The following SYT16 variants were observed in gnomAD, a reference collection of about 807,000 sequenced individuals.
The protein encoded by SYT16 is synaptotagmin-16.
Under a neutral mutation model 61.4 loss-of-function variants are expected in SYT16, and 42 were observed. That is an observed-to-expected ratio of 0.68 (90% confidence interval 0.53 to 0.89). The LOEUF is 0.89. Among genes scored for constraint, SYT16 ranks in the 40% least tolerant of loss-of-function variants. The pLI is 0.00. For missense variants in SYT16, 804 were observed against 807.3 expected (o/e 1.00, Z 0.05); for synonymous variants, 314 against 302.3 (o/e 1.04, Z -0.40).
At chr14:61,838,539 CT>C (rs1343381570) in intron 1 of SYT16, among the ~76,000 whole-genome samples, 1 of 152,202 alleles carries the variant, frequency 6.6e-6, no homozygotes, top group Non-Finnish European at 1.5e-5. Context: ...GGAACGAGGT[CT>C]GTGTTTCTGA....
rs2057520350 is a variant in SYT16 at position 62,106,715 on chromosome 14, G to A, written c.*6008G>A. The A allele has an allele frequency of 6.6e-6, 1 of 152,098 alleles. No individual in the cohort carries two copies. Among genetic ancestry groups the A allele is most frequent in the African/African-American group, 2.4e-5 (1 of 41,406 alleles). The allele number at this position is 152,098 out of a possible 1,614,324, so 9.4% of individuals were successfully genotyped here. ...GCTTTGGGGATGCCTGCAGGCTCAG[G>A]GGGAGTTTCCTCTCCTATGGTGCTT... On this transcript the variant is annotated 3_prime_UTR_variant, in exon 8 of 8. Coordinates refer to ENST00000683842, the MANE Select transcript of SYT16 (RefSeq NM_001367656.1).
intron 1 of SYT16, among the ~76,000 whole-genome samples, chr14:61,843,746 C>G (rs1271183672): frequency 6.6e-6 from 1 of 152,130 alleles, no homozygotes; most frequent in African/African-American, 2.4e-5. Flanking sequence ...GTTCTCTATT[C>G]TGTTCCACTG....
At chr14:62,068,883 C>G (rs2056175282) in intron 3 of SYT16, among the ~76,000 whole-genome samples, 1 of 152,178 alleles carries the variant, frequency 6.6e-6, no homozygotes, top group Non-Finnish European at 1.5e-5. Context: ...GCAACCTCCA[C>G]TTCCTGGGTT....
intron 5 of SYT16, among the ~76,000 whole-genome samples, chr14:62,075,604 T>TTA (rs1566824324): frequency 1.6e-5 from 1 of 61,414 alleles, no homozygotes. Flanking sequence ...GGATGAACGG[T>TTA]AAAAAAAAAA....
At chr14:61,844,022 T>A (rs1259673765) in intron 1 of SYT16, among the ~76,000 whole-genome samples, 1 of 152,226 alleles carries the variant, frequency 6.6e-6, no homozygotes, top group Non-Finnish European at 1.5e-5. Context: ...TGTTGATTTT[T>A]CCAATCCACG....
At chr14:62,017,672 C>G (rs940931102) in intron 3 of SYT16, among the ~76,000 whole-genome samples, 2 of 152,068 alleles carry the variant, frequency 1.3e-5, no homozygotes, top group African/African-American at 2.4e-5. Context: ...TGCGTCTTCC[C>G]ACCATCACTG....
At chr14:61,857,707 G>GA (rs1195719126) in intron 1 of SYT16, among the ~76,000 whole-genome samples, 3 of 152,180 alleles carry the variant, frequency 2.0e-5, no homozygotes, top group African/African-American at 7.2e-5. Flanking sequence ...AGTAGAAAGG[G>GA]AAAAATCTCT....
chr14:62,056,770 C>G (rs2055575097), intron 3 of SYT16, among the ~76,000 whole-genome samples: 2 of 152,306 alleles, frequency 1.3e-5, no homozygotes, highest in Admixed American at 6.5e-5. Context: ...CACCTGAACA[C>G]ACTTTTGTTC....
intron 3 of SYT16, among the ~76,000 whole-genome samples, chr14:62,036,627 G>A (rs562802963): frequency 2.6e-5 from 4 of 152,276 alleles, no homozygotes; most frequent in African/African-American, 9.6e-5. Context: ...CATGGCAGAA[G>A]GCAAAGGAGG....
intron 4 of SYT16, among the ~76,000 whole-genome samples, chr14:62,070,062 T>C (rs1010598741): frequency 6.6e-6 from 1 of 152,188 alleles, no homozygotes; most frequent in African/African-American, 2.4e-5. Flanking sequence ...CCCCTTCCCT[T>C]TCTTTCTTAT....
chr14:61,905,875 A>G (rs2048690116), intron 1 of SYT16, among the ~76,000 whole-genome samples: 1 of 151,618 alleles, frequency 6.6e-6, no homozygotes, highest in African/African-American at 2.4e-5. Flanking sequence ...CTCCTGTATC[A>G]GCCACCCAAG....
intron 1 of SYT16, among the ~76,000 whole-genome samples, chr14:61,918,300 G>T (rs1012865612): frequency 6.6e-6 from 1 of 152,090 alleles, no homozygotes; most frequent in African/African-American, 2.4e-5. Flanking sequence ...AATCATATGG[G>T]CGGAAATATG....
chr14:62,043,830 G>A (rs548619746), intron 3 of SYT16, among the ~76,000 whole-genome samples: 2 of 152,068 alleles, frequency 1.3e-5, no homozygotes, highest in Admixed American at 1.3e-4. Flanking sequence ...AAACTTCTTT[G>A]CATGACTGCT....
chr14:61,936,909 A>G (rs2050005799), intron 1 of SYT16, among the ~76,000 whole-genome samples: 1 of 152,190 alleles, frequency 6.6e-6, no homozygotes, highest in Non-Finnish European at 1.5e-5. Context: ...TGATGTCACA[A>G]GGGGTACCCG....
chr14:61,990,256 A>G (rs1334690691), intron 2 of SYT16, among the ~76,000 whole-genome samples: 1 of 152,218 alleles, frequency 6.6e-6, no homozygotes, highest in African/African-American at 2.4e-5. Context: ...GATAATTGTC[A>G]TAAAAATAAT....
chr14:61,958,823 G>T lies in SYT16; in HGVS notation c.-324-11309G>T, dbSNP rs1595016087. Among the ~76,000 whole-genome samples, 2 of 152,026 alleles carry T rather than the reference G, an allele frequency of 1.3e-5. 1 individual carries two copies. On this transcript the variant is annotated intron_variant, in intron 1 of 7. Coordinates refer to ENST00000683842, the MANE Select transcript of SYT16 (RefSeq NM_001367656.1). Reference sequence around the variant, plus strand: ...TTTATTGATTTTTTTTGTCTAGATGGTCTATACATTATAGAGAGTAGGATA... The same window carrying T: ...TTTATTGATTTTTTTTGTCTAGATGTTCTATACATTATAGAGAGTAGGATA...
At chr14:61,899,256 T>G (rs2140354124) in intron 1 of SYT16, among the ~76,000 whole-genome samples, 1 of 152,298 alleles carries the variant, frequency 6.6e-6, no homozygotes, top group East Asian at 1.9e-4. Context: ...TAGTTATGAC[T>G]TCAGAGTCCC....
chr14:62,042,508 C>G (rs573938807), intron 3 of SYT16, among the ~76,000 whole-genome samples: 1 of 152,250 alleles, frequency 6.6e-6, no homozygotes, highest in African/African-American at 2.4e-5. Flanking sequence ...GAGGTCAAAT[C>G]TTTCTGAAGA....
intron 3 of SYT16, among the ~76,000 whole-genome samples, chr14:62,067,195 A>G (rs772441455): frequency 6.6e-5 from 10 of 152,168 alleles, no homozygotes; most frequent in Non-Finnish European, 1.0e-4. Context: ...AATATTTAAC[A>G]AGTATTTATG....
Sources: gnomAD v4.1 joint callset for allele counts (sites outside exome capture counted in the v4.1 genomes callset) on GRCh38, gnomAD v4.1.1 for gene constraint, MANE v1.5 for transcripts, NCBI Gene and HGNC (gene_info 2026-07-23, HGNC 2026-07-21) for gene names.